MTHFSD: variants seen among roughly 807,000 people sequenced by gnomAD.
MTHFSD encodes the protein methenyltetrahydrofolate synthetase domain containing, also known as methenyltetrahydrofolate synthase domain-containing protein.
MTHFSD carries 37 observed loss-of-function variants against 31.1 expected under a neutral mutation model. The ratio of observed to expected loss-of-function variants is 1.19; its 90% confidence interval spans 0.91 to 1.56. The LOEUF (loss-of-function observed/expected upper bound fraction) is 1.56. Ranked by LOEUF, MTHFSD falls within the 40% of genes most tolerant of loss-of-function variation. MTHFSD has a pLI of 0.00. For synonymous variants in MTHFSD, 221 were observed against 206.9 expected (o/e 1.07, Z -0.59); for missense variants, 664 against 510.1 (o/e 1.30, Z -2.91).
rs749658542 is a variant in MTHFSD, at chr16:86,532,089, G to A, written c.1074C>T (p.Ala358=). The A allele has an allele frequency of 6.7e-5, 103 of 1,531,138 alleles. No homozygotes were observed. Among genetic ancestry groups the A allele is most frequent in the South Asian group, 1.9e-4 (15 of 80,458 alleles). 94.8% of individuals were successfully genotyped at this position (1,531,138 alleles called of 1,614,324 possible). A position where few individuals can be genotyped will look rare whatever the true frequency, so the allele number is the denominator to read the frequency against. The change falls in exon 8 of 8, where the codon GCC becomes GCT. Residue 358 remains alanine (A), a synonymous_variant. Coordinates refer to ENST00000360900, the MANE Select transcript of MTHFSD (RefSeq NM_001159377.2). ...HYPDSAAAQQ[A]VSCLQGLRLG... ...GGCGCAGGCCCTGCAAGCAGGAGAC[G>A]GCCTGCTGGGCTGCGGCAGAGTCCG... is the stretch of plus-strand genomic sequence containing the variant.
rs561378165 is a variant in MTHFSD at position 86,536,142 on chromosome 16, G to A, written c.682-3661C>T. Among the ~76,000 whole-genome samples the A allele has an allele frequency of 7.3e-4, 111 of 152,318 alleles. 1 individual carries two copies. In the Middle Eastern group the frequency reaches 0.01, roughly 14 times the overall value. On this transcript the variant is annotated intron_variant, in intron 7 of 7. Transcript: ENST00000360900. ...ACTGCTGGGATGATAGGCGTGAGCC[G>A]TGCTGGTGAAGATGAGCAGACATCA... is the stretch of plus-strand genomic sequence containing the variant.
At chr16:86,541,665 A>G (rs377224970) in intron 7 of MTHFSD, 32 bp downstream of exon 7, 3 of 1,604,618 alleles carry the variant, frequency 1.9e-6, no homozygotes, top group African/African-American at 2.7e-5. Flanking sequence ...CCGCTAAGCT[A>G]CAGGCCAGAG....
At chr16:86,553,191 C>T (rs1973433357) in intron 2 of MTHFSD, 1 of 152,254 alleles carries the variant, frequency 6.6e-6, no homozygotes, top group Admixed American at 6.5e-5. Context: ...GCCATTACGA[C>T]AATAACATGC....
rs562338180 is a variant in MTHFSD, at chr16:86,537,847, G to A, written c.681+3850C>T. The stretch of plus-strand genomic sequence containing the variant: ...TGTTTCCTTGAGTATAAGCACGAGC[G>A]TGGCTCTGGAAGAATCCAGTTTCCC... On this transcript the variant is annotated intron_variant, in intron 7 of 7. Transcript: ENST00000360900. Among the ~76,000 whole-genome samples, 5 of 152,342 alleles carry A rather than the reference G, an allele frequency of 3.3e-5. No individual in the cohort carries two copies. In the South Asian group the frequency reaches 6.2e-4, roughly 19 times the overall value.
intron 7 of MTHFSD, among the ~76,000 whole-genome samples, chr16:86,536,710 G>T (rs1244245413): frequency 6.6e-6 from 1 of 152,242 alleles, no homozygotes; most frequent in Non-Finnish European, 1.5e-5. Flanking sequence ...TAAAACTGAC[G>T]CTGCGAAATG....
intron 5 of MTHFSD, among the ~76,000 whole-genome samples, chr16:86,544,987 G>GT (rs1329097506): frequency 1.3e-5 from 2 of 152,244 alleles, no homozygotes; most frequent in Non-Finnish European, 2.9e-5. Context: ...GTTCTCACTC[G>GT]TAAGTGGGAG....
intron 4 of MTHFSD, chr16:86,547,045 T>C (rs1008553208): frequency 5.0e-5 from 29 of 582,928 alleles, no homozygotes; most frequent in Non-Finnish European, 4.0e-5. Context: ...CCTCAGTTTC[T>C]TCAGCTGTAA....
In MTHFSD at chr16:86,531,455, C is replaced by G. The variant is rs1969983104; in HGVS notation, c.*556G>C. 1.3e-5 allele frequency: 2 copies of G among 152,296 alleles called. No individual in the cohort carries two copies. The highest frequency in any genetic ancestry group is 1.3e-4 in the Admixed American group (2 of 15,270). The allele number at this position is 152,296 out of a possible 1,614,324, so 9.4% of individuals were successfully genotyped here. On this transcript the variant is annotated 3_prime_UTR_variant, in exon 8 of 8. Transcript: ENST00000360900. This position sits in a 1 kb window ranked among gnomAD's most constrained non-coding sequence, Gnocchi z 5.5. ...GGCTCCCCGAAATGTGACCTGAGGACTGATCTGAGCTGCAGTGAGCACTTT... is the reference window on the plus strand; with the variant it reads ...GGCTCCCCGAAATGTGACCTGAGGAGTGATCTGAGCTGCAGTGAGCACTTT...
At chr16:86,547,179 TGAAGG>T in intron 4 of MTHFSD, 1 of 987,226 alleles carries the variant, frequency 1.0e-6, no homozygotes, top group Non-Finnish European at 1.2e-6. Flanking sequence ...TATAAAATCC[TGAAGG>T]CCACTATCTT....
intron 7 of MTHFSD, chr16:86,540,961 ATGT>A: frequency 8.5e-7 from 1 of 1,171,972 alleles, no homozygotes; most frequent in East Asian, 5.9e-5. Context: ...CTTAGAGGTG[ATGT>A]TGTTAATTTT....
rs746228423 is a variant in MTHFSD at position 86,541,840 on chromosome 16, G to A, written c.556-18C>T. On this transcript the variant is annotated intron_variant, in intron 6 of 7. Transcript: ENST00000360900. ...TCCACGACCTGGGGGAAGAGAGGAG[G>A]GATAAAGGGGCTGCTGGGAATGCCA... 8 of 1,613,272 alleles carry A rather than the reference G, an allele frequency of 5.0e-6. No individual in the cohort carries two copies. The highest frequency in any genetic ancestry group is 1.1e-5 in the South Asian group (1 of 91,044).
At chr16:86,555,075 C>G (rs956230224) in intron 1 of MTHFSD, 94 bp downstream of exon 1, 244 of 1,504,442 alleles carry the variant, frequency 1.6e-4, no homozygotes, top group Admixed American at 2.7e-4. Flanking sequence ...CTGCCCCATC[C>G]TCTGCCAGCC....
chr16:86,537,643 T>C (rs902916262), intron 7 of MTHFSD, among the ~76,000 whole-genome samples: 1 of 152,240 alleles, frequency 6.6e-6, no homozygotes, highest in African/African-American at 2.4e-5. Flanking sequence ...TTGTGTTTTA[T>C]GCGGGATCTG....
intron 2 of MTHFSD, among the ~76,000 whole-genome samples, 170 bp downstream of exon 2, chr16:86,554,475 C>T (rs1471193803): frequency 2.0e-5 from 3 of 152,188 alleles, no homozygotes; most frequent in Admixed American, 1.3e-4. Context: ...GAGTAAATGA[C>T]GTCTCTAAAT....
chr16:86,553,697 C>CGCTCCAT (rs930123108), intron 2 of MTHFSD: 1 of 153,018 alleles, frequency 6.5e-6, no homozygotes. Flanking sequence ...TCCTGCTCCA[C>CGCTCCAT]GGTGCCTGGT....
intron 3 of MTHFSD, among the ~76,000 whole-genome samples, chr16:86,548,912 T>A (rs1359106870): frequency 6.6e-6 from 1 of 152,186 alleles, no homozygotes; most frequent in African/African-American, 2.4e-5. Context: ...AATCCCAACC[T>A]CAACTTTCCT....
chr16:86,543,274 G>A (rs142153284), intron 5 of MTHFSD, among the ~76,000 whole-genome samples: 5 of 152,300 alleles, frequency 3.3e-5, no homozygotes, highest in African/African-American at 1.2e-4. Flanking sequence ...ACAAGGAAGC[G>A]GGAAAAGAGG....
At position 86,555,020 on chromosome 16, in the gene MTHFSD, C is replaced by A. The variant is rs1306736395; in HGVS notation, c.16+149G>T. On this transcript the variant is annotated intron_variant, in intron 1 of 7. Transcript: ENST00000360900. Reference sequence around the variant, plus strand: ...GAGAGAGCCGCTGGTTCGACCCGAACCCAGCACAGACCCCCTCTGACCTCC... The same window carrying A: ...GAGAGAGCCGCTGGTTCGACCCGAAACCAGCACAGACCCCCTCTGACCTCC... 1.1e-5 allele frequency: 15 copies of A among 1,427,354 alleles called. No homozygotes were observed. In the Admixed American group the frequency reaches 1.9e-4, roughly 18 times the overall value. The allele number at this position is 1,427,354 out of a possible 1,614,324, so 88.4% of individuals were successfully genotyped here.
chr16:86,536,741 T>G (rs1426340021), intron 7 of MTHFSD, among the ~76,000 whole-genome samples: 1 of 152,268 alleles, frequency 6.6e-6, no homozygotes, highest in African/African-American at 2.4e-5. Context: ...TCTGCACGCC[T>G]TGGCTCCTGC....
Sources: allele counts gnomAD v4.1 joint callset (sites outside exome capture counted in the v4.1 genomes callset), GRCh38; gene constraint gnomAD v4.1.1; non-coding constraint Gnocchi (gnomAD v3.1); transcripts MANE v1.5; gene names NCBI Gene and HGNC (gene_info 2026-07-23, HGNC 2026-07-21).